LRRIQ1: variants seen among roughly 807,000 people sequenced by gnomAD.
LRRIQ1 encodes the protein leucine-rich repeat- and IQ domain-containing protein 1.
Under a neutral mutation model 211.9 loss-of-function variants are expected in LRRIQ1, and 210 were observed. The observed-to-expected ratio is 0.99, with a 90% confidence interval of 0.89 to 1.11. LRRIQ1 has a LOEUF of 1.11. Ranked by LOEUF, LRRIQ1 falls within the 50% of genes most tolerant of loss-of-function variation. The probability of loss-of-function intolerance (pLI) is 0.00; values close to 1 mark genes in which losing one functional copy is unlikely to be tolerated. For synonymous variants in LRRIQ1, 699 were observed against 650.1 expected (o/e 1.08, Z -1.14); for missense variants, 2,136 against 1,939.5 (o/e 1.10, Z -1.90).
intron 24 of LRRIQ1, among the ~76,000 whole-genome samples, chr12:85,215,519 T>A (rs1336027468): frequency 6.6e-6 from 1 of 152,114 alleles, no homozygotes; most frequent in Non-Finnish European, 1.5e-5. Flanking sequence ...CAACCTCCAA[T>A]AGGCCCCAAT....
At chr12:85,212,096 G>A (rs964858587) in intron 24 of LRRIQ1, among the ~76,000 whole-genome samples, 3 of 151,898 alleles carry the variant, frequency 2.0e-5, no homozygotes, top group African/African-American at 7.2e-5. Flanking sequence ...GCAAAAACCC[G>A]TCTCTACTAA....
At chr12:85,237,733 A>G (rs938841697) in intron 26 of LRRIQ1, among the ~76,000 whole-genome samples, 1 of 152,160 alleles carries the variant, frequency 6.6e-6, no homozygotes, top group African/African-American at 2.4e-5. Flanking sequence ...AGTAAAACAT[A>G]AATGTAAGCC....
chr12:85,173,784 A>G (rs1439775541), intron 24 of LRRIQ1, among the ~76,000 whole-genome samples: 1 of 152,130 alleles, frequency 6.6e-6, no homozygotes, highest in Admixed American at 6.6e-5. Flanking sequence ...ACTGCATTAC[A>G]AATACCATCA....
chr12:85,197,981 T>A (rs534684594), intron 24 of LRRIQ1, among the ~76,000 whole-genome samples: 3,334 of 99,536 alleles, frequency 0.033, 217 homozygotes, highest in African/African-American at 0.13. Context: ...TATATATAAT[T>A]ATATTATATA....
intron 19 of LRRIQ1, among the ~76,000 whole-genome samples, chr12:85,146,782 G>C (rs1441088919): frequency 1.3e-5 from 2 of 151,674 alleles, no homozygotes; most frequent in African/African-American, 2.4e-5. Context: ...CCATAACTAA[G>C]ATTAGTTTGA....
intron 23 of LRRIQ1, among the ~76,000 whole-genome samples, chr12:85,154,705 ATAT>A (rs1222372504): frequency 2.6e-5 from 4 of 151,284 alleles, no homozygotes; most frequent in African/African-American, 7.3e-5. Flanking sequence ...AAATATCAGG[ATAT>A]TATGATATCT....
In LRRIQ1 at chr12:85,047,099, T is replaced by C; in HGVS notation, c.455-148T>C. Reference sequence around the variant, plus strand: ...CACACCAACATGGCACATGTATACATATGTAACAAACCTGCACGTTGTGCA... The same window carrying C: ...CACACCAACATGGCACATGTATACACATGTAACAAACCTGCACGTTGTGCA... On this transcript the variant is annotated intron_variant, in intron 5 of 26. Coordinates refer to ENST00000393217, the MANE Select transcript of LRRIQ1 (RefSeq NM_001079910.2). The C allele has an allele frequency of 7.9e-6, 4 of 509,324 alleles. No homozygotes were observed. In the South Asian group the frequency reaches 1.1e-4, roughly 14 times the overall value. The allele number at this position is 509,324 out of a possible 1,614,324, so 31.6% of individuals were successfully genotyped here.
intron 17 of LRRIQ1, among the ~76,000 whole-genome samples, chr12:85,125,516 T>C (rs4761119): frequency 0.56 from 85,439 of 151,988 alleles, 25,192 homozygotes; most frequent in African/African-American, 0.74. Flanking sequence ...TTTATCTTCT[T>C]TTATAAATTA....
Position 85,092,272 on chromosome 12 carries a change from A to G in LRRIQ1, c.2888-6083A>G, listed in dbSNP as rs377631906. Reference sequence around the variant, plus strand: ...GTGTCAAGAGAGTTGATGTACTTCAATTATACAGCTGCAACTTATGGCAGA... The same window carrying G: ...GTGTCAAGAGAGTTGATGTACTTCAGTTATACAGCTGCAACTTATGGCAGA... On this transcript the variant is annotated intron_variant, in intron 11 of 26. Transcript: ENST00000393217. Among the ~76,000 whole-genome samples, 13 of 152,284 alleles carry G rather than the reference A, an allele frequency of 8.5e-5. No homozygotes were observed. In the East Asian group the frequency reaches 1.7e-3, roughly 20 times the overall value.
chr12:85,192,871 T>G (rs1892640897), intron 24 of LRRIQ1, among the ~76,000 whole-genome samples: 1 of 102,020 alleles, frequency 9.8e-6, no homozygotes, highest in Non-Finnish European at 1.7e-5. Flanking sequence ...TTATATATTA[T>G]AATTATACAT....
chr12:85,049,302 A>G (rs1880022443), intron 6 of LRRIQ1, among the ~76,000 whole-genome samples: 1 of 152,170 alleles, frequency 6.6e-6, no homozygotes, highest in Admixed American at 6.5e-5. Context: ...GCAAATAACC[A>G]CATAACATTT....
downstream of LRRIQ1, chr12:85,245,171 A>G (rs369238471): frequency 8.0e-5 from 40 of 502,570 alleles, no homozygotes; most frequent in African/African-American, 8.0e-4. Context: ...CACCCTGTGA[A>G]TCATATTGAA....
At chr12:85,040,708 TG>T in intron 3 of LRRIQ1, 107 bp downstream of exon 3, 1 of 556,028 alleles carries the variant, frequency 1.8e-6, no homozygotes. Context: ...ACTGTGCACA[TG>T]TGTATACATT....
intron 10 of LRRIQ1, among the ~76,000 whole-genome samples, chr12:85,067,538 T>A (rs867292503): frequency 1.2e-4 from 18 of 151,736 alleles, no homozygotes; most frequent in South Asian, 4.1e-4. Context: ...CTTTTATCTT[T>A]TATTTTTTAT....
chr12:85,207,588 GT>G, intron 24 of LRRIQ1, among the ~76,000 whole-genome samples: 1 of 152,008 alleles, frequency 6.6e-6, no homozygotes, highest in South Asian at 2.1e-4. Flanking sequence ...TATCTAAAAA[GT>G]TATCACCAAA....
intron 16 of LRRIQ1, among the ~76,000 whole-genome samples, chr12:85,123,221 A>G (rs1367787879): frequency 6.6e-6 from 1 of 152,174 alleles, no homozygotes; most frequent in East Asian, 1.9e-4. Flanking sequence ...TTGTCTCTAC[A>G]TTTTTGGAAA....
chr12:85,067,740 T>A (rs1023972402), intron 10 of LRRIQ1, among the ~76,000 whole-genome samples: 1 of 151,820 alleles, frequency 6.6e-6, no homozygotes, highest in Non-Finnish European at 1.5e-5. Flanking sequence ...TTATTTTACA[T>A]CAGCCTTCTG....
intron 25 of LRRIQ1, among the ~76,000 whole-genome samples, chr12:85,231,268 C>G (rs1462582201): frequency 1.3e-4 from 19 of 151,892 alleles, no homozygotes. Flanking sequence ...TCAATTATAT[C>G]CATTTAATTC....
At chr12:85,232,787 T>A in intron 26 of LRRIQ1, 31 bp downstream of exon 26, 10 of 1,519,628 alleles carry the variant, frequency 6.6e-6, no homozygotes, top group Non-Finnish European at 8.2e-6. Context: ...TACAGAAAAA[T>A]GTTGTAGACA....
Sources: allele counts gnomAD v4.1 joint callset (sites outside exome capture counted in the v4.1 genomes callset), GRCh38; gene constraint gnomAD v4.1.1; transcripts MANE v1.5; gene names NCBI Gene and HGNC (gene_info 2026-07-23, HGNC 2026-07-21).